The following PLXDC2 variants were observed in gnomAD, a reference collection of about 807,000 sequenced individuals.
The protein encoded by PLXDC2 is plexin domain-containing protein 2.
In PLXDC2, 40 loss-of-function variants were observed where a neutral mutation model predicts 68.9. That is an observed-to-expected ratio of 0.58 (90% confidence interval 0.45 to 0.76). PLXDC2 has a LOEUF of 0.76. Among genes scored for constraint, PLXDC2 ranks in the 30% least tolerant of loss-of-function variants. PLXDC2 has a pLI of 0.00. For missense variants in PLXDC2, 644 were observed against 661.9 expected (o/e 0.97, Z 0.30); for synonymous variants, 243 against 234.2 (o/e 1.04, Z -0.34).
chr10:20,027,166 A>G (rs992881930), intron 2 of PLXDC2, among the ~76,000 whole-genome samples: 13 of 151,700 alleles, frequency 8.6e-5, no homozygotes, highest in African/African-American at 3.1e-4. Context: ...AATGCTTTGC[A>G]TGGCATAGTT....
In PLXDC2 at chr10:19,816,911, T is replaced by A; in HGVS notation, c.-169T>A. On this transcript the variant is annotated 5_prime_UTR_variant, in exon 1 of 14. Coordinates refer to ENST00000377252, the MANE Select transcript of PLXDC2 (RefSeq NM_032812.9). ...CGCTGCGCTCCTACTCGCGTTCGCT[T>A]CTTCCTCTTCTCGGTTCCCTACTGT... 1 of 604,488 alleles carries A rather than the reference T, an allele frequency of 1.7e-6. No individual in the cohort carries two copies. The highest frequency in any genetic ancestry group is 2.9e-6 in the Non-Finnish European group (1 of 341,276). The allele number at this position is 604,488 out of a possible 1,614,324, so 37.4% of individuals were successfully genotyped here. A position where few individuals can be genotyped will look rare whatever the true frequency, so the allele number is the denominator to read the frequency against.
chr10:20,210,199 C>A (rs1185392384), intron 9 of PLXDC2, among the ~76,000 whole-genome samples: 1 of 151,976 alleles, frequency 6.6e-6, no homozygotes, highest in African/African-American at 2.4e-5. Flanking sequence ...TATATACATA[C>A]CTATGATAAA....
chr10:19,952,942 G>A (rs1371187901), intron 1 of PLXDC2, among the ~76,000 whole-genome samples: 1 of 151,754 alleles, frequency 6.6e-6, no homozygotes, highest in African/African-American at 2.4e-5. Flanking sequence ...TCAGCTCACT[G>A]CAACTTCCAC....
intron 9 of PLXDC2, among the ~76,000 whole-genome samples, chr10:20,207,968 TAGAA>T (rs1481867706): frequency 7.2e-5 from 11 of 152,098 alleles, no homozygotes; most frequent in African/African-American, 2.7e-4. Flanking sequence ...CAAGGGTTCT[TAGAA>T]AGAGCTATCA....
chr10:20,056,846 C>T (rs1589608263), intron 3 of PLXDC2, among the ~76,000 whole-genome samples: 1 of 152,056 alleles, frequency 6.6e-6, no homozygotes, highest in East Asian at 1.9e-4. Context: ...TGAAGGCTAT[C>T]AAATAATTCT....
chr10:20,147,741 T>C (rs1441822803), intron 5 of PLXDC2, 43 bp from the exon 6 acceptor site: 1 of 1,234,552 alleles, frequency 8.1e-7, no homozygotes, highest in African/African-American at 1.5e-5. Flanking sequence ...TTGATTGGTA[T>C]GTTTTTCTCA....
At chr10:19,956,692 A>G (rs1210266336) in intron 1 of PLXDC2, among the ~76,000 whole-genome samples, 2 of 152,238 alleles carry the variant, frequency 1.3e-5, no homozygotes, top group Admixed American at 6.5e-5. Context: ...CACAGACTGT[A>G]TCTGTCTCAC....
At chr10:20,227,087 A>G (rs974676049) in intron 12 of PLXDC2, among the ~76,000 whole-genome samples, 10 of 152,100 alleles carry the variant, frequency 6.6e-5, no homozygotes, top group African/African-American at 2.4e-4. Context: ...TAAAATATGT[A>G]TGTCACTAAA....
chr10:20,144,443 C>G (rs1362341749), intron 5 of PLXDC2, among the ~76,000 whole-genome samples: 1 of 152,128 alleles, frequency 6.6e-6, no homozygotes, highest in Non-Finnish European at 1.5e-5. Flanking sequence ...GGAAACTAAA[C>G]ATAGTTAGAC....
intron 4 of PLXDC2, among the ~76,000 whole-genome samples, chr10:20,083,848 A>T (rs961541246): frequency 3.8e-4 from 58 of 152,240 alleles, no homozygotes; most frequent in African/African-American, 1.3e-3. Context: ...TCCTCTGGAT[A>T]AAACTGAATT....
chr10:20,249,204 C>T (rs1835638755), intron 13 of PLXDC2, among the ~76,000 whole-genome samples: 1 of 152,072 alleles, frequency 6.6e-6, no homozygotes, highest in African/African-American at 2.4e-5. Flanking sequence ...CATTCAATAG[C>T]TTTATATTGA....
intron 2 of PLXDC2, among the ~76,000 whole-genome samples, chr10:20,022,307 G>A (rs988564048): frequency 2.0e-5 from 3 of 152,178 alleles, no homozygotes; most frequent in African/African-American, 7.2e-5. Context: ...GGAGCTTACA[G>A]TCTAGTCGGG....
chr10:20,077,680 G>A (rs759005635), intron 4 of PLXDC2, among the ~76,000 whole-genome samples: 2 of 152,156 alleles, frequency 1.3e-5, no homozygotes, highest in African/African-American at 4.8e-5. Context: ...GCACAATTTC[G>A]TTAATAGCTT....
intron 3 of PLXDC2, among the ~76,000 whole-genome samples, chr10:20,050,706 C>T (rs11011758): frequency 6.7e-6 from 1 of 150,182 alleles, no homozygotes; most frequent in African/African-American, 2.5e-5. Flanking sequence ...AAAAAAAAAA[C>T]AAAAACAAAA....
intron 1 of PLXDC2, among the ~76,000 whole-genome samples, chr10:19,943,998 A>C (rs1052020940): frequency 6.6e-6 from 1 of 152,182 alleles, no homozygotes; most frequent in Non-Finnish European, 1.5e-5. Context: ...TCCTCTAAAA[A>C]CTCGTGGGCT....
intron 1 of PLXDC2, among the ~76,000 whole-genome samples, chr10:19,905,868 A>G (rs966981685): frequency 2.0e-5 from 3 of 152,172 alleles, no homozygotes; most frequent in African/African-American, 7.2e-5. Context: ...AGTCTTTCTG[A>G]CAGTAGTTGG....
At position 20,281,139 on chromosome 10, in the gene PLXDC2, G is replaced by A. The variant is rs1239806558; in HGVS notation, c.*1320G>A. On this transcript the variant is annotated 3_prime_UTR_variant, in exon 14 of 14. Coordinates refer to ENST00000377252, the MANE Select transcript of PLXDC2 (RefSeq NM_032812.9). ...TCTTGACTATTTGATCCACTTTTTC[G>A]TTTATGTCAACCCCTTCCCTCTCTG... 2.0e-5 allele frequency: 3 copies of A among 151,928 alleles called. No individual in the cohort carries two copies. The highest frequency in any genetic ancestry group is 7.3e-5 in the African/African-American group (3 of 41,358). 9.4% of individuals were successfully genotyped at this position (151,928 alleles called of 1,614,324 possible). A position where few individuals can be genotyped will look rare whatever the true frequency, so the allele number is the denominator to read the frequency against.
chr10:20,260,219 C>T (rs1391268354), intron 13 of PLXDC2, among the ~76,000 whole-genome samples: 1 of 152,128 alleles, frequency 6.6e-6, no homozygotes, highest in Non-Finnish European at 1.5e-5. Flanking sequence ...AAAATCTATG[C>T]CCTTAACATA....
At chr10:19,936,949 A>G (rs199956493) in intron 1 of PLXDC2, among the ~76,000 whole-genome samples, 1 of 152,240 alleles carries the variant, frequency 6.6e-6, no homozygotes, top group Admixed American at 6.5e-5. Context: ...AATATTCCAG[A>G]TATTGGCAGA....
Sources: allele counts gnomAD v4.1 joint callset (sites outside exome capture counted in the v4.1 genomes callset), GRCh38; gene constraint gnomAD v4.1.1; transcripts MANE v1.5; gene names NCBI Gene and HGNC (gene_info 2026-07-23, HGNC 2026-07-21).